Variants in PTPRT observed in about 807,000 individuals in gnomAD.
The protein encoded by PTPRT is protein tyrosine phosphatase receptor type T, also known as receptor-type tyrosine-protein phosphatase T.
In PTPRT, 56 loss-of-function variants were observed where a neutral mutation model predicts 176.8. The observed-to-expected ratio is 0.32, with a 90% CI of 0.26 to 0.40. The LOEUF is 0.40. PTPRT is among the 10% of genes least tolerant of loss of function. The pLI is 1.00. For missense variants in PTPRT, 1,540 were observed against 1,908.2 expected (o/e 0.81, Z 3.60); for synonymous variants, 783 against 739.0 (o/e 1.06, Z -0.96).
At chr20:42,439,081 A>G (rs2059288857) in intron 9 of PTPRT, among the ~76,000 whole-genome samples, 1 of 152,160 alleles carries the variant, frequency 6.6e-6, no homozygotes, top group South Asian at 2.1e-4. Context: ...TGTCAGCCCG[A>G]ATGACCTGTA....
At chr20:42,293,398 T>C (rs1375697035) in intron 12 of PTPRT, among the ~76,000 whole-genome samples, 2 of 152,182 alleles carry the variant, frequency 1.3e-5, no homozygotes, top group Non-Finnish European at 1.5e-5. Flanking sequence ...ACCTGTTTAA[T>C]TATCTTGGCT....
chr20:42,696,968 T>A (rs1012679898), intron 6 of PTPRT, among the ~76,000 whole-genome samples: 3 of 152,210 alleles, frequency 2.0e-5, no homozygotes, highest in African/African-American at 7.2e-5. Context: ...TAAGGCACTT[T>A]ATTTTGTAAC....
At chr20:42,255,372 G>C (rs1005100404) in intron 13 of PTPRT, among the ~76,000 whole-genome samples, 1 of 152,176 alleles carries the variant, frequency 6.6e-6, no homozygotes, top group African/African-American at 2.4e-5. Flanking sequence ...ATAAACTCTT[G>C]AGGAACTGTT....
intron 17 of PTPRT, among the ~76,000 whole-genome samples, chr20:42,151,206 A>C (rs1408451638): frequency 6.6e-6 from 1 of 151,628 alleles, no homozygotes; most frequent in Non-Finnish European, 1.5e-5. Context: ...ACATAGCTAT[A>C]CATGTGCCAT....
Position 42,155,205 on chromosome 20 carries a change from GT to G in PTPRT, c.2682+6146del, listed in dbSNP as rs535701781. Among the ~76,000 whole-genome samples the G allele has an allele frequency of 1.7e-4, 26 of 152,326 alleles. No homozygotes were observed. In the East Asian group the frequency reaches 4.4e-3, roughly 26 times the overall value. ...TCTGAAATGTGGCCTGAGCATTGGTGTTTTTTAAAACTTCCCCAGGTAACTC... is the reference window on the plus strand; with the variant it reads ...TCTGAAATGTGGCCTGAGCATTGGTGTTTTTAAAACTTCCCCAGGTAACTC... On this transcript the variant is annotated intron_variant, in intron 17 of 30. Transcript: ENST00000373187.
intron 6 of PTPRT, among the ~76,000 whole-genome samples, chr20:42,696,152 T>G (rs140300326): frequency 6.6e-6 from 1 of 151,780 alleles, no homozygotes; most frequent in Non-Finnish European, 1.5e-5. Flanking sequence ...TCCCTTTTCT[T>G]CCCTCTCCCC....
chr20:42,375,075 G>T (rs1409377254), intron 9 of PTPRT, among the ~76,000 whole-genome samples: 2 of 152,110 alleles, frequency 1.3e-5, no homozygotes, highest in African/African-American at 4.8e-5. Flanking sequence ...TAATCCCAAA[G>T]ACTCCAAAAT....
intron 9 of PTPRT, among the ~76,000 whole-genome samples, chr20:42,369,589 G>T (rs1464557773): frequency 6.6e-6 from 1 of 152,214 alleles, no homozygotes; most frequent in Non-Finnish European, 1.5e-5. Flanking sequence ...CAAAGGCCCA[G>T]AGATAGTGGG....
At chr20:43,039,099 G>T (rs1162094766) in intron 1 of PTPRT, among the ~76,000 whole-genome samples, 1 of 152,084 alleles carries the variant, frequency 6.6e-6, no homozygotes, top group Non-Finnish European at 1.5e-5. Flanking sequence ...AAGTTTTTCT[G>T]GGAGAATAAA....
intron 15 of PTPRT, among the ~76,000 whole-genome samples, chr20:42,211,343 A>G (rs1011989648): frequency 1.3e-5 from 2 of 151,222 alleles, no homozygotes; most frequent in Admixed American, 1.3e-4. Context: ...AGAAACTACC[A>G]TCAGAGTGAA....
intron 24 of PTPRT, among the ~76,000 whole-genome samples, chr20:42,105,344 G>T (rs1040463140): frequency 2.0e-5 from 3 of 152,102 alleles, no homozygotes; most frequent in Non-Finnish European, 4.4e-5. Context: ...CAAATTATTT[G>T]CCGGCAAATC....
intron 12 of PTPRT, among the ~76,000 whole-genome samples, chr20:42,288,236 A>T (rs778980204): frequency 6.6e-6 from 1 of 151,992 alleles, no homozygotes; most frequent in Non-Finnish European, 1.5e-5. Context: ...AGTTTCCCTC[A>T]TGCTTCTTCT....
At chr20:42,358,342 A>T (rs2058385999) in intron 9 of PTPRT, among the ~76,000 whole-genome samples, 1 of 152,140 alleles carries the variant, frequency 6.6e-6, no homozygotes, top group Admixed American at 6.5e-5. Flanking sequence ...ACCTAAACAG[A>T]TATCCATTGA....
intron 16 of PTPRT, among the ~76,000 whole-genome samples, chr20:42,198,365 T>G (rs1001741142): frequency 1.1e-4 from 17 of 152,220 alleles, no homozygotes; most frequent in Admixed American, 1.0e-3. Flanking sequence ...AAACTGATCA[T>G]CTCTTGAGTG....
At chr20:42,249,570 C>T (rs1043049761) in intron 13 of PTPRT, among the ~76,000 whole-genome samples, 10 of 152,218 alleles carry the variant, frequency 6.6e-5, no homozygotes, top group Admixed American at 2.6e-4. Context: ...CAAAGGTAGA[C>T]GAGATACTGA....
rs1202725170 is a variant in PTPRT, at chr20:42,617,007, G to A, written c.1153+60859C>T. Among the ~76,000 whole-genome samples, 7 of 135,588 alleles carry A rather than the reference G, an allele frequency of 5.2e-5. 2 individuals are homozygous for A. The highest frequency in any genetic ancestry group is 2.3e-4 in the African/African-American group (7 of 30,222). The allele number at this position is 135,588 out of a possible 152,430, so 89.0% of individuals were successfully genotyped here. A position where few individuals can be genotyped will look rare whatever the true frequency, so the allele number is the denominator to read the frequency against. ...AGGAGTGGTGAGAGAGGGCATCCCT[G>A]TCTTGTGCCAGTTTTCCAAGGGAAT... On this transcript the variant is annotated intron_variant, in intron 7 of 30. Coordinates refer to ENST00000373187, the MANE Select transcript of PTPRT (RefSeq NM_007050.6).
At chr20:42,232,750 A>G (rs2056160813) in intron 15 of PTPRT, among the ~76,000 whole-genome samples, 1 of 149,290 alleles carries the variant, frequency 6.7e-6, no homozygotes, top group African/African-American at 2.5e-5. Flanking sequence ...CACTATAACT[A>G]AATCTTTGCC....
At chr20:42,664,722 G>T (rs186069594) in intron 7 of PTPRT, among the ~76,000 whole-genome samples, 1 of 152,082 alleles carries the variant, frequency 6.6e-6, no homozygotes, top group African/African-American at 2.4e-5. Context: ...TTCTGCCCTG[G>T]CCTCCCAAAG....
rs62204909 is a variant in PTPRT at position 42,474,574 on chromosome 20, G to C, written c.1154-2012C>G. Among the ~76,000 whole-genome samples the C allele has an allele frequency of 7.9e-3, 1,207 of 152,268 alleles. 11 individuals are homozygous for C. The highest frequency in any genetic ancestry group is 0.014 in the Middle Eastern group (4 of 292). ...AGAGCCAGCATCCCCAAATCAAATG[G>C]GTGACCCTGAGAATGTGACATTGAA... On this transcript the variant is annotated intron_variant, in intron 7 of 30. Coordinates refer to ENST00000373187, the MANE Select transcript of PTPRT (RefSeq NM_007050.6).
Sources: allele counts gnomAD v4.1 joint callset (sites outside exome capture counted in the v4.1 genomes callset), GRCh38; gene constraint gnomAD v4.1.1; transcripts MANE v1.5; gene names NCBI Gene and HGNC (gene_info 2026-07-23, HGNC 2026-07-21).